IL9R: variants seen among roughly 807,000 people sequenced by gnomAD.
The protein encoded by IL9R is interleukin 9 receptor, also known as interleukin-9 receptor.
A neutral mutation model predicts 56.3 loss-of-function variants in IL9R; 54 were observed. That is an observed-to-expected ratio of 0.96 (90% CI 0.77 to 1.20). The LOEUF is 1.20. IL9R is among the 50% of genes most tolerant of loss of function. The pLI is 0.00. For missense variants in IL9R, 545 were observed against 629.8 expected (o/e 0.87, Z 1.44); for synonymous variants, 212 against 250.2 (o/e 0.85, Z 1.44).
chrX:156,009,262 G>GTGTT (rs2068293179), intron 8 of IL9R, among the ~76,000 whole-genome samples: 1 of 47,748 alleles, frequency 2.1e-5, no homozygotes, highest in Non-Finnish European at 4.7e-5. Context: ...CTGTGTGTGT[G>GTGTT]TGTTTGTGTG....
intron 5 of IL9R, 94 bp downstream of exon 5, chrX:156,004,659 T>G (rs1603151224): frequency 7.7e-7 from 1 of 1,291,074 alleles, no homozygotes. Flanking sequence ...TGTCAACTTG[T>G]AGTGATGAGA....
Position 155,997,863 on chromosome X carries a change from T to C in IL9R, c.28+76T>C. The C allele has an allele frequency of 3.6e-6, 5 of 1,386,066 alleles. No individual in the cohort carries two copies. The Admixed American group carries it at 6.9e-5, about 19-fold the overall frequency. 85.9% of individuals were successfully genotyped at this position (1,386,066 alleles called of 1,614,324 possible). ...GAAGGCAGAGAGGGACATGTGGCCC[T>C]CCAACTCGGGGCCCAGGGAGCCACT... On this transcript the variant is annotated intron_variant, in intron 1 of 8. Transcript: ENST00000244174.
At chrX:156,004,349 G>C (rs1383491039) in intron 4 of IL9R, 71 bp from the exon 5 acceptor site, 1 of 1,527,872 alleles carries the variant, frequency 6.5e-7, no homozygotes, top group African/African-American at 1.4e-5. Context: ...TCAGACCCCA[G>C]TCTTGTGTGT....
intron 1 of IL9R, among the ~76,000 whole-genome samples, chrX:155,999,812 C>T (rs1226134071): frequency 6.6e-6 from 1 of 152,118 alleles, no homozygotes; most frequent in African/African-American, 2.4e-5. Flanking sequence ...GAACCAGACC[C>T]TTCCCCGCCC....
intron 5 of IL9R, 142 bp downstream of exon 5, chrX:156,004,707 A>C: frequency 1.3e-6 from 1 of 788,614 alleles, no homozygotes; most frequent in Non-Finnish European, 2.1e-6. Context: ...GCACACACAC[A>C]TGCTGGCATG....
rs745383707 is a variant in IL9R at position 156,002,963 on chromosome X, G to T, written c.86G>T (p.Cys29Phe). ...GACATGGGCACCTGGCTCCTGGCCT[G>T]CATCTGCATCTGCACCTGTGTCTGC... ...RRDMGTWLLA[C>F]ICICTCVCLG... Residue 29 changes from cysteine (C) to phenylalanine (F), a missense_variant, in exon 2 of 9, where the codon TGC becomes TTC. Coordinates refer to ENST00000244174, the MANE Select transcript of IL9R (RefSeq NM_002186.3). 1 of 1,613,868 alleles carries T rather than the reference G, an allele frequency of 6.2e-7. No homozygotes were observed. Among genetic ancestry groups the T allele is most frequent in the Non-Finnish European group, 8.5e-7 (1 of 1,179,832 alleles).
At position 156,003,146 on chromosome X, in the gene IL9R, T is replaced by C. The variant is rs750433829; in HGVS notation, c.142+127T>C. ...CCAAACTGTGCTGGGGCATGTCCTC[T>C]AGGGGTCAGCCTGGACCTCAGTCTC... is the stretch of plus-strand genomic sequence containing the variant. On this transcript the variant is annotated intron_variant, in intron 2 of 8. Transcript: ENST00000244174. The C allele has an allele frequency of 1.1e-4, 124 of 1,169,236 alleles. No homozygotes were observed. In the East Asian group the frequency reaches 2.8e-3, roughly 27 times the overall value. The allele number at this position is 1,169,236 out of a possible 1,614,324, so 72.4% of individuals were successfully genotyped here.
chrX:156,010,351 A>T lies in IL9R; in HGVS notation c.1508A>T (p.Asp503Val). ...TGCCAGAGGCCTGGGCTGCATGAGG[A>T]CCTCCAGGGCATGTTGCTCCCTTCT... ...GHCQRPGLHE[D>V]LQGMLLPSVL... Residue 503 changes from aspartate (D) to valine (V), a missense_variant, in exon 9 of 9, where the codon GAC (aspartate) becomes GTC (valine). By Grantham distance (152) the Asp-to-Val change is radical. This residue lies in a region of IL9R where 114 missense variants were observed against 269.8 expected (regional missense o/e 0.42). Coordinates refer to ENST00000244174, the MANE Select transcript of IL9R (RefSeq NM_002186.3). 1 of 599,466 alleles carries T rather than the reference A, an allele frequency of 1.7e-6. No individual in the cohort carries two copies. Among genetic ancestry groups the T allele is most frequent in the South Asian group, 2.0e-5 (1 of 49,728 alleles). The allele number at this position is 599,466 out of a possible 1,614,324, so 37.1% of individuals were successfully genotyped here.
In IL9R at chrX:156,003,792, C is replaced by A. The variant is rs1209239384; in HGVS notation, c.370C>A (p.His124Asn). 1.9e-6 allele frequency: 3 copies of A among 1,614,018 alleles called. No homozygotes were observed. Among genetic ancestry groups the A allele is most frequent in the African/African-American group, 2.7e-5 (2 of 75,064 alleles). The part of the protein sequence containing the change: ...PSDNFTITFH[H>N]CMSGREQVSL... ...TGACAATTTCACCATCACTTTCCAC[C>A]ACTGCATGTCTGGGAGGGAGCAGGT... Residue 124 changes from histidine to asparagine, a missense_variant, in exon 4 of 9, where the codon CAC (histidine) becomes AAC (asparagine). Around this residue, in one of 2 missense-constraint regions of IL9R, gnomAD observed 431 missense variants for 360.0 expected, o/e 1.20. Coordinates refer to ENST00000244174, the MANE Select transcript of IL9R (RefSeq NM_002186.3).
At chrX:156,002,812 G>A (rs774657316) in intron 1 of IL9R, 94 bp from the exon 2 acceptor site, 2 of 1,570,614 alleles carry the variant, frequency 1.3e-6, no homozygotes, top group African/African-American at 1.4e-5. Context: ...TGCAGGTGGG[G>A]ACCCATGGAG....
At chrX:155,999,861 C>T (rs1205003293) in intron 1 of IL9R, among the ~76,000 whole-genome samples, 2 of 152,150 alleles carry the variant, frequency 1.3e-5, no homozygotes, top group East Asian at 1.9e-4. Flanking sequence ...CATGTTGGCT[C>T]ATGCCTGACA....
chrX:156,001,314 G>T (rs181578892), intron 1 of IL9R: 22 of 878,294 alleles, frequency 2.5e-5, no homozygotes, highest in Admixed American at 1.4e-4. Flanking sequence ...TGGCCGTTGT[G>T]CCTGTGCTTC....
Position 156,002,917 on chromosome X carries a change from G to A in IL9R, c.40G>A (p.Glu14Lys), listed in dbSNP as rs1297505658. ...CCAGTCCCTTGCAGGCTGGACCTTGGAGAGTGAGGCCCTGAGGCGAGACAT... is the reference window on the plus strand; with the variant it reads ...CCAGTCCCTTGCAGGCTGGACCTTGAAGAGTGAGGCCCTGAGGCGAGACAT... ...GRCIWEGWTL[E>K]SEALRRDMGT... Residue 14 changes from glutamate to lysine, a missense_variant, in exon 2 of 9, where the codon GAG becomes AAG. Glu to Lys is a moderately conservative substitution (Grantham distance 56). Around this residue, in one of 2 missense-constraint regions of IL9R, gnomAD observed 431 missense variants for 360.0 expected, o/e 1.20. Coordinates refer to ENST00000244174, the MANE Select transcript of IL9R (RefSeq NM_002186.3). 3 of 1,613,872 alleles carry A rather than the reference G, an allele frequency of 1.9e-6. No homozygotes were observed. The highest frequency in any genetic ancestry group is 2.5e-6 in the Non-Finnish European group (3 of 1,179,848).
rs140065784 is a variant in IL9R at position 156,003,732 on chromosome X, G to A, written c.310G>A (p.Val104Ile). Reference sequence around the variant, plus strand: ...CATCTTGCGGGGCAGTGAGTGCACCGTCGTGCTGCCACCTGAGGCAGTGCT... The same window carrying A: ...CATCTTGCGGGGCAGTGAGTGCACCATCGTGCTGCCACCTGAGGCAGTGCT... ...KCILRGSECT[V>I]VLPPEAVLVP... The change falls in exon 4 of 9, where the codon GTC (valine) becomes ATC (isoleucine). Residue 104 changes from valine (V) to isoleucine (I), a missense_variant. Coordinates refer to ENST00000244174, the MANE Select transcript of IL9R (RefSeq NM_002186.3). The A allele has an allele frequency of 2.6e-4, 416 of 1,613,720 alleles. 3 individuals carry two copies. Among genetic ancestry groups the A allele is most frequent in the Admixed American group, 4.5e-4 (27 of 59,976 alleles).
intron 1 of IL9R, among the ~76,000 whole-genome samples, 200 bp downstream of exon 1, chrX:155,997,987 T>G (rs2067254355): frequency 6.6e-6 from 1 of 152,134 alleles, no homozygotes; most frequent in Non-Finnish European, 1.5e-5. Flanking sequence ...ACCTCAAGGA[T>G]TACAAACTAA....
intron 1 of IL9R, among the ~76,000 whole-genome samples, chrX:156,002,619 T>G (rs887069507): frequency 6.6e-6 from 1 of 152,182 alleles, no homozygotes; most frequent in African/African-American, 2.4e-5. Context: ...TCGGCAGATG[T>G]GGAGACCTAG....
Position 156,004,518 on chromosome X carries a change from C to G in IL9R, c.532C>G (p.Leu178Val). The G allele has an allele frequency of 6.2e-7, 1 of 1,613,548 alleles. No individual in the cohort carries two copies. The highest frequency in any genetic ancestry group is 8.5e-7 in the Non-Finnish European group (1 of 1,179,852). ...ISPALEPMTT[L>V]LSYELAFKKQ... ...TCCTGCCTTGGAGCCAATGACCACA[C>G]TTCTCAGCTATGAGCTGGCCTTCAA... The change falls in exon 5 of 9, where the codon CTT becomes GTT. Residue 178 changes from leucine (L) to valine (V), a missense_variant. Leu to Val is a conservative substitution (Grantham distance 32). This residue lies in a region of IL9R where 431 missense variants were observed against 360.0 expected (regional missense o/e 1.20). Coordinates refer to ENST00000244174, the MANE Select transcript of IL9R (RefSeq NM_002186.3).
At chrX:156,000,802 G>A (rs1373919825) in intron 1 of IL9R, among the ~76,000 whole-genome samples, 2 of 152,202 alleles carry the variant, frequency 1.3e-5, no homozygotes, top group African/African-American at 4.8e-5. Context: ...TTCTGCTGGG[G>A]CATGTGCTGA....
chrX:156,005,678 G>C (rs2067882807), intron 6 of IL9R, among the ~76,000 whole-genome samples, 199 bp downstream of exon 6: 1 of 152,130 alleles, frequency 6.6e-6, no homozygotes, highest in South Asian at 2.1e-4. Flanking sequence ...GGCTTCCTGG[G>C]AACCTGTAGT....
Sources: allele counts gnomAD v4.1 joint callset (sites outside exome capture counted in the v4.1 genomes callset), GRCh38; gene constraint gnomAD v4.1.1; regional missense constraint gnomAD v4.1.1; transcripts MANE v1.5; gene names NCBI Gene and HGNC (gene_info 2026-07-23, HGNC 2026-07-21).